Variants in PITHD1 observed in about 807,000 individuals in gnomAD.
PITHD1 encodes the protein PITH domain-containing protein 1.
A neutral mutation model predicts 27.5 loss-of-function variants in PITHD1; 8 were observed. The observed-to-expected ratio is 0.29, with a 90% confidence interval of 0.17 to 0.52. PITHD1 has a LOEUF of 0.52. Ranked by LOEUF, PITHD1 falls within the 20% of genes least tolerant of loss-of-function variation. PITHD1 has a pLI of 0.96. For synonymous variants in PITHD1, 118 were observed against 106.8 expected (o/e 1.10, Z -0.64); for missense variants, 233 against 283.9 (o/e 0.82, Z 1.29).
intron 1 of PITHD1, 104 bp downstream of exon 1, chr1:23,778,817 C>A: frequency 1.4e-6 from 1 of 705,316 alleles, no homozygotes; most frequent in Non-Finnish European, 2.0e-6. Context: ...GCCTGGTTGC[C>A]AAGCGCTTTT....
intron 3 of PITHD1, 46 bp downstream of exon 3, chr1:23,779,987 T>C (rs1638572394): frequency 3.4e-6 from 4 of 1,182,288 alleles, no homozygotes; most frequent in Non-Finnish European, 5.1e-6. Flanking sequence ...CTAATTCTCT[T>C]TTTCTGGTAA....
At chr1:23,785,813 C>A in intron 4 of PITHD1, 34 bp downstream of exon 4, 4 of 1,184,644 alleles carry the variant, frequency 3.4e-6, no homozygotes, top group South Asian at 1.2e-5. Context: ...TTCTCTATGG[C>A]TTCTTATAGG....
At chr1:23,783,295 A>ATACGCATATATATATACACATATATG (rs1638629821) in intron 3 of PITHD1, among the ~76,000 whole-genome samples, 3 of 144,368 alleles carry the variant, frequency 2.1e-5, no homozygotes, top group Non-Finnish European at 3.0e-5. Context: ...GTATATATAT[A>ATACGCATATATATATACACATATATG]TGTATATCTA....
At chr1:23,779,081 A>G (rs1048966981) in intron 1 of PITHD1, among the ~76,000 whole-genome samples, 2 of 152,184 alleles carry the variant, frequency 1.3e-5, no homozygotes, top group Non-Finnish European at 2.9e-5. Flanking sequence ...CATATAGAGC[A>G]AATGTTCTTT....
chr1:23,778,508 G>C lies in PITHD1; in HGVS notation c.-8G>C. The C allele has an allele frequency of 7.4e-7, 1 of 1,348,276 alleles. No homozygotes were observed. The highest frequency in any genetic ancestry group is 9.5e-7 in the Non-Finnish European group (1 of 1,056,366). The allele number at this position is 1,348,276 out of a possible 1,614,324, so 83.5% of individuals were successfully genotyped here. A position where few individuals can be genotyped will look rare whatever the true frequency, so the allele number is the denominator to read the frequency against. ...GGGCCGAGAGGACGCGCAGGTGGCGGCGTTGCCATGTCGCACGGTCACAGC... is the reference window on the plus strand; with the variant it reads ...GGGCCGAGAGGACGCGCAGGTGGCGCCGTTGCCATGTCGCACGGTCACAGC... On this transcript the variant is annotated 5_prime_UTR_variant, in exon 1 of 6. Coordinates refer to ENST00000246151, the MANE Select transcript of PITHD1 (RefSeq NM_020362.5).
chr1:23,778,645 A>G lies in PITHD1; in HGVS notation c.130A>G (p.Asn44Asp). Residue 44 changes from asparagine to aspartate, a missense_variant, in exon 1 of 6, where the codon AAC becomes GAC. Physicochemically the swap from Asn to Asp is conservative, Grantham distance 23. Coordinates refer to ENST00000246151, the MANE Select transcript of PITHD1 (RefSeq NM_020362.5). ...CGACCTGGAGCGGCTGCAATGCCTT[A>G]ACGAGAGCCGCGAGGGCAGCGGCCG... The part of the protein sequence containing the change: ...RIDLERLQCL[N>D]ESREGSGRGV... 7.5e-7 allele frequency: 1 copy of G among 1,330,986 alleles called. No homozygotes were observed. The allele number at this position is 1,330,986 out of a possible 1,614,324, so 82.4% of individuals were successfully genotyped here.
intron 3 of PITHD1, among the ~76,000 whole-genome samples, chr1:23,780,772 G>A (rs1638584658): frequency 6.6e-6 from 1 of 152,048 alleles, no homozygotes; most frequent in African/African-American, 2.4e-5. Flanking sequence ...CTACTAGGGA[G>A]GGTGAGGCAG....
Position 23,778,723 on chromosome 1 carries a change from C to A in PITHD1, c.198+10C>A. The A allele has an allele frequency of 7.9e-7, 1 of 1,271,772 alleles. No homozygotes were observed. Among genetic ancestry groups the A allele is most frequent in the Non-Finnish European group, 9.9e-7 (1 of 1,008,078 alleles). The allele number at this position is 1,271,772 out of a possible 1,614,324, so 78.8% of individuals were successfully genotyped here. A position where few individuals can be genotyped will look rare whatever the true frequency, so the allele number is the denominator to read the frequency against. Reference sequence around the variant, plus strand: ...GACCGACCGCTCCAAGGTGGGCCGCCTGGGGCTTGGGGCGGGCGGGGCAGG... The same window carrying A: ...GACCGACCGCTCCAAGGTGGGCCGCATGGGGCTTGGGGCGGGCGGGGCAGG... On this transcript the variant is annotated intron_variant, in intron 1 of 5. Transcript: ENST00000246151.
At chr1:23,785,555 C>T in intron 3 of PITHD1, 120 bp from the exon 4 acceptor site, 1 of 538,718 alleles carries the variant, frequency 1.9e-6, no homozygotes, top group South Asian at 2.4e-5. Context: ...TAAAATATGA[C>T]CCCCAAATTC....
In PITHD1 at chr1:23,787,476, C is replaced by G; in HGVS notation, c.*100C>G. 1.4e-6 allele frequency: 1 copy of G among 696,016 alleles called. No individual in the cohort carries two copies. The highest frequency in any genetic ancestry group is 2.5e-6 in the Non-Finnish European group (1 of 394,398). The allele number at this position is 696,016 out of a possible 1,614,324, so 43.1% of individuals were successfully genotyped here. The stretch of plus-strand genomic sequence containing the variant: ...TGAGGCTCCAGAGAGAGTTGGCTGC[C>G]ACAGCCTCTGCCAAGCTTTGTCTTT... On this transcript the variant is annotated 3_prime_UTR_variant, in exon 6 of 6. Coordinates refer to ENST00000246151, the MANE Select transcript of PITHD1 (RefSeq NM_020362.5).
intron 2 of PITHD1, 94 bp downstream of exon 2, chr1:23,779,575 C>A: frequency 1.0e-6 from 1 of 996,052 alleles, no homozygotes; most frequent in Non-Finnish European, 1.6e-6. Flanking sequence ...CACACATTTG[C>A]TTCTAGAAAT....
Position 23,785,784 on chromosome 1 carries a change from G to GCACT in PITHD1, c.425+6_425+9dup. On this transcript the variant is annotated splice_donor_region_variant and intron_variant, in intron 4 of 5. Transcript: ENST00000246151. ...AGAATTAGAGTATGCTACAAAGTAA[G>GCACT]CACTGGGCCTGTCTTCCATTCTCTA... 6.0e-6 allele frequency: 9 copies of GCACT among 1,505,256 alleles called. No homozygotes were observed. The highest frequency in any genetic ancestry group is 8.3e-6 in the Non-Finnish European group (9 of 1,080,934). The allele number at this position is 1,505,256 out of a possible 1,614,324, so 93.2% of individuals were successfully genotyped here. A position where few individuals can be genotyped will look rare whatever the true frequency, so the allele number is the denominator to read the frequency against.
chr1:23,781,388 C>T lies in PITHD1; in HGVS notation c.320+1447C>T, dbSNP rs115045027. The stretch of plus-strand genomic sequence containing the variant: ...TGAAGCATGAGAATCACTTGAACCG[C>T]GGAGGTGCAGGTTGCAGTGAGCCAA... On this transcript the variant is annotated intron_variant, in intron 3 of 5. Transcript: ENST00000246151. Among the ~76,000 whole-genome samples the T allele has an allele frequency of 8.8e-3, 1,301 of 148,642 alleles. 16 individuals are homozygous for T. The highest frequency in any genetic ancestry group is 0.03 in the African/African-American group (1,200 of 40,216).
intron 5 of PITHD1, 40 bp from the exon 6 acceptor site, chr1:23,787,235 C>A (rs1337420127): frequency 1.4e-6 from 2 of 1,414,218 alleles, no homozygotes; most frequent in East Asian, 2.3e-5. Flanking sequence ...AAGGACAGTT[C>A]TTTTAATGGC....
intron 5 of PITHD1, 132 bp from the exon 6 acceptor site, chr1:23,787,143 A>G (rs987121943): frequency 2.5e-5 from 14 of 558,386 alleles, no homozygotes; most frequent in Non-Finnish European, 4.5e-5. Context: ...ATGACATCTA[A>G]GTATTAAAAT....
intron 3 of PITHD1, among the ~76,000 whole-genome samples, chr1:23,783,587 G>C (rs1241629815): frequency 6.6e-6 from 1 of 151,644 alleles, no homozygotes; most frequent in Non-Finnish European, 1.5e-5. Context: ...GAGTAGCTGG[G>C]ATTACAGGTA....
intron 3 of PITHD1, among the ~76,000 whole-genome samples, chr1:23,783,783 T>G (rs1040792625): frequency 1.6e-4 from 24 of 152,044 alleles, no homozygotes; most frequent in African/African-American, 5.8e-4. Flanking sequence ...GGTGAAATGA[T>G]GTGTCTGGGA....
chr1:23,786,007 T>C (rs965027214), intron 4 of PITHD1, among the ~76,000 whole-genome samples: 1 of 152,254 alleles, frequency 6.6e-6, no homozygotes, highest in Admixed American at 6.5e-5. Flanking sequence ...TTAGGAAAGA[T>C]GTGTCTCCCA....
intron 3 of PITHD1, among the ~76,000 whole-genome samples, chr1:23,781,814 C>T (rs1638604525): frequency 6.6e-6 from 1 of 152,134 alleles, no homozygotes; most frequent in South Asian, 2.1e-4. Flanking sequence ...TGCATACATA[C>T]CTCATAAGAT....
Sources: gnomAD v4.1 joint callset for allele counts (sites outside exome capture counted in the v4.1 genomes callset) on GRCh38, gnomAD v4.1.1 for gene constraint, MANE v1.5 for transcripts, NCBI Gene and HGNC (gene_info 2026-07-23, HGNC 2026-07-21) for gene names.